EYA4: variants seen among roughly 807,000 people sequenced by gnomAD.
The protein encoded by EYA4 is protein phosphatase EYA4.
In EYA4, 31 loss-of-function variants were observed where a neutral mutation model predicts 87.9. The ratio of observed to expected loss-of-function variants is 0.35; its 90% CI spans 0.27 to 0.48. The LOEUF (loss-of-function observed/expected upper bound fraction) is 0.48, where lower values mean the gene tolerates loss of function less well. Ranked by LOEUF, EYA4 falls within the 20% of genes least tolerant of loss-of-function variation. EYA4 has a pLI of 0.99. For missense variants in EYA4, 678 were observed against 761.4 expected, an observed-to-expected ratio of 0.89 and a Z score of 1.29; for synonymous variants, 263 against 270.6, an observed-to-expected ratio of 0.97 and a Z score of 0.28.
In EYA4 at chr6:133,424,023, G is replaced by A. The variant is rs202054029; in HGVS notation, c.84-22607G>A. 4.6e-5 allele frequency among the ~76,000 whole-genome samples: 7 copies of A among 152,338 alleles called. No homozygotes were observed. The East Asian group carries it at 1.4e-3, about 29-fold the overall frequency. ...TCTCTGTAGGTATGTCATCCGTGGAGTGTTCAGTTCTCAGCAGAGAGGAGG... is the reference window on the plus strand; with the variant it reads ...TCTCTGTAGGTATGTCATCCGTGGAATGTTCAGTTCTCAGCAGAGAGGAGG... On this transcript the variant is annotated intron_variant, in intron 3 of 19. Transcript: ENST00000355286.
At chr6:133,289,758 A>G (rs755562389) in intron 2 of EYA4, among the ~76,000 whole-genome samples, 6 of 151,444 alleles carry the variant, frequency 4.0e-5, no homozygotes, top group Admixed American at 6.6e-5. Context: ...AGTACTTGAA[A>G]TTCGGTGGCT....
chr6:133,281,525 A>G (rs558696185), intron 2 of EYA4, among the ~76,000 whole-genome samples: 1 of 152,310 alleles, frequency 6.6e-6, no homozygotes, highest in South Asian at 2.1e-4. Context: ...ATGATTTCTT[A>G]TATGAATTTT....
chr6:133,371,040 CAAG>C (rs200622966), intron 2 of EYA4, among the ~76,000 whole-genome samples: 1,639 of 152,160 alleles, frequency 0.011, 25 homozygotes, highest in African/African-American at 0.037. Context: ...GTGTCTTTCT[CAAG>C]AAGAAGAAGT....
intron 2 of EYA4, among the ~76,000 whole-genome samples, chr6:133,373,625 A>G (rs1248179723): frequency 6.6e-6 from 1 of 152,030 alleles, no homozygotes; most frequent in African/African-American, 2.4e-5. Context: ...TAGAATATTC[A>G]TTTTGCTCTT....
rs1299150262 is a variant in EYA4, at chr6:133,444,952, AAT to A, written c.84-1677_84-1676del. The stretch of plus-strand genomic sequence containing the variant: ...TCCATTGATATTTAGTGTAATCGTC[AAT>A]GTGTTTGAGTTCGAGTGTGCCATCT... On this transcript the variant is annotated intron_variant, in intron 3 of 19. Transcript: ENST00000355286. Among the ~76,000 whole-genome samples, 12 of 152,134 alleles carry A rather than the reference AAT, an allele frequency of 7.9e-5. No individual in the cohort carries two copies. In the South Asian group the frequency reaches 1.0e-3, roughly 13 times the overall value.
chr6:133,445,713 G>A (rs968040941), intron 3 of EYA4, among the ~76,000 whole-genome samples: 1 of 151,912 alleles, frequency 6.6e-6, no homozygotes, highest in Non-Finnish European at 1.5e-5. Flanking sequence ...GGAGTAGCTG[G>A]GACTACAGGC....
chr6:133,335,133 A>G (rs879435626), intron 2 of EYA4, among the ~76,000 whole-genome samples: 6 of 152,134 alleles, frequency 3.9e-5, no homozygotes, highest in African/African-American at 1.4e-4. Context: ...TTTTTTCAAG[A>G]TAGTTTATTG....
At chr6:133,280,595 A>G (rs1777543278) in intron 2 of EYA4, among the ~76,000 whole-genome samples, 1 of 151,802 alleles carries the variant, frequency 6.6e-6, no homozygotes, top group South Asian at 2.1e-4. Context: ...ATGGAGTTTC[A>G]CCCTGTTAGC....
chr6:133,317,815 A>G (rs62431677), intron 2 of EYA4, among the ~76,000 whole-genome samples: 17,313 of 147,740 alleles, frequency 0.12, 1,253 homozygotes, highest in Non-Finnish European at 0.16. Context: ...CCGTTCATCT[A>G]TCCATCCCTA....
At chr6:133,501,597 A>G (rs1798119083) in intron 13 of EYA4, among the ~76,000 whole-genome samples, 1 of 152,178 alleles carries the variant, frequency 6.6e-6, no homozygotes, top group Non-Finnish European at 1.5e-5. Context: ...TAAAAAATCC[A>G]GTAACTTTTT....
chr6:133,456,863 C>T (rs910561946), intron 6 of EYA4, among the ~76,000 whole-genome samples: 2 of 152,110 alleles, frequency 1.3e-5, no homozygotes, highest in African/African-American at 4.8e-5. Flanking sequence ...TAGTTGACAG[C>T]AAAAGTCCCA....
At chr6:133,388,525 G>A (rs1002616495) in intron 3 of EYA4, among the ~76,000 whole-genome samples, 2 of 151,950 alleles carry the variant, frequency 1.3e-5, no homozygotes, top group African/African-American at 4.8e-5. Context: ...ATCTTTATTG[G>A]CCAGTGTAGC....
intron 2 of EYA4, among the ~76,000 whole-genome samples, chr6:133,316,798 G>A (rs10485231): frequency 0.027 from 4,128 of 152,254 alleles, 114 homozygotes; most frequent in African/African-American, 0.068. Flanking sequence ...TTGAAGGTAC[G>A]TGTGAGCTGG....
At chr6:133,496,557 A>G (rs1421429498) in intron 13 of EYA4, among the ~76,000 whole-genome samples, 3 of 152,178 alleles carry the variant, frequency 2.0e-5, no homozygotes, top group Non-Finnish European at 2.9e-5. Context: ...CTTGCTCAGA[A>G]TACAGCCTGG....
intron 2 of EYA4, among the ~76,000 whole-genome samples, chr6:133,285,408 G>A (rs578019503): frequency 1.3e-5 from 2 of 152,282 alleles, no homozygotes; most frequent in East Asian, 1.9e-4. Context: ...AGCATGCAGG[G>A]TAGGTTCAAG....
At position 133,378,351 on chromosome 6, in the gene EYA4, A is replaced by G. The variant is rs550783885; in HGVS notation, c.34-4041A>G. ...GATTTTATTAATCATACCTGTCTAC[A>G]TGCATTAAATGAGATTATATATATA... On this transcript the variant is annotated intron_variant, in intron 2 of 19. Coordinates refer to ENST00000355286, the MANE Select transcript of EYA4 (RefSeq NM_004100.5). 3.3e-5 allele frequency among the ~76,000 whole-genome samples: 5 copies of G among 152,202 alleles called. No homozygotes were observed. The East Asian group carries it at 9.7e-4, about 29-fold the overall frequency.
intron 2 of EYA4, among the ~76,000 whole-genome samples, chr6:133,342,209 G>A (rs1782834751): frequency 6.6e-6 from 1 of 151,752 alleles, no homozygotes; most frequent in Admixed American, 6.6e-5. Flanking sequence ...CGGTAGCAGG[G>A]TGGAGTCAGG....
At chr6:133,526,563 A>G (rs1450043596) in intron 19 of EYA4, among the ~76,000 whole-genome samples, 1 of 152,198 alleles carries the variant, frequency 6.6e-6, no homozygotes. Context: ...TTTCGATTAC[A>G]TTTAAGAGAG....
intron 3 of EYA4, among the ~76,000 whole-genome samples, chr6:133,390,404 T>A (rs954419864): frequency 6.6e-6 from 1 of 152,090 alleles, no homozygotes; most frequent in Non-Finnish European, 1.5e-5. Context: ...GTATCTTTAG[T>A]TGAGGTGGGG....
Sources: allele counts gnomAD v4.1 joint callset (sites outside exome capture counted in the v4.1 genomes callset), GRCh38; gene constraint gnomAD v4.1.1; transcripts MANE v1.5; gene names NCBI Gene and HGNC (gene_info 2026-07-23, HGNC 2026-07-21).